Variants in PFKFB4 observed in about 807,000 individuals in gnomAD.
The protein encoded by PFKFB4 is 6-phosphofructo-2-kinase/fructose-2,6-biphosphatase 4.
A neutral mutation model predicts 62.8 loss-of-function variants in PFKFB4; 42 were observed. The observed-to-expected ratio is 0.67, with a 90% CI of 0.52 to 0.86. PFKFB4 has a LOEUF of 0.86. PFKFB4 is among the 40% of genes least tolerant of loss of function. The pLI, the probability that PFKFB4 is intolerant of heterozygous loss-of-function variation, is 0.00. For missense variants in PFKFB4, 475 were observed against 627.2 expected, an observed-to-expected ratio of 0.76 and a Z score of 2.59; for synonymous variants, 204 against 240.7, an observed-to-expected ratio of 0.85 and a Z score of 1.41.
At chr3:48,524,509 C>A (rs898731027) in intron 10 of PFKFB4, among the ~76,000 whole-genome samples, 2 of 152,228 alleles carry the variant, frequency 1.3e-5, no homozygotes, top group Non-Finnish European at 2.9e-5. Context: ...CCTGGTAGTT[C>A]TGAGAAAATC....
chr3:48,539,023 T>A lies in PFKFB4; in HGVS notation c.510+231A>T, dbSNP rs964966927. ...ACCCTTCCACCCCTGCTGAAGGTGC[T>A]CTCCTAGTGTCCAGGTGGTTACGAG... On this transcript the variant is annotated intron_variant, in intron 6 of 13. Coordinates refer to ENST00000232375, the MANE Select transcript of PFKFB4 (RefSeq NM_004567.4). Among the ~76,000 whole-genome samples, 57 of 152,022 alleles carry A rather than the reference T, an allele frequency of 3.7e-4. 1 individual carries two copies. The highest frequency in any genetic ancestry group is 4.4e-5 in the Non-Finnish European group (3 of 68,008).
At chr3:48,560,210 C>T (rs1351878254), upstream of PFKFB4, among the ~76,000 whole-genome samples, 2 of 152,230 alleles carry the variant, frequency 1.3e-5, no homozygotes, top group Non-Finnish European at 2.9e-5. Context: ...CGCACACACA[C>T]TCACAAGTCC....
chr3:48,530,269 A>G (rs1274097045), intron 9 of PFKFB4, among the ~76,000 whole-genome samples: 1 of 152,106 alleles, frequency 6.6e-6, no homozygotes, highest in Non-Finnish European at 1.5e-5. Flanking sequence ...TAAATAAATA[A>G]ATAAAAATAA....
intron 3 of PFKFB4, among the ~76,000 whole-genome samples, chr3:48,546,018 C>CGTGT (rs145258700): frequency 6.6e-6 from 1 of 150,590 alleles, no homozygotes. Context: ...TGTGTGTGTG[C>CGTGT]GTGTGTGTGT....
rs766264488 is a variant in PFKFB4 at position 48,556,749 on chromosome 3, T to C, written c.29A>G (p.Asn10Ser). 6.2e-7 allele frequency: 1 copy of C among 1,603,372 alleles called. No homozygotes were observed. Among genetic ancestry groups the C allele is most frequent in the Non-Finnish European group, 8.5e-7 (1 of 1,175,350 alleles). The stretch of plus-strand genomic sequence containing the variant: ...TGGCATCCAGATCTTCTTCAGGGGG[T>C]TCTGTGTCAATTCCCGTGGGGACGC... MASPRELTQ[N>S]PLKKIWMPYS... The change falls in exon 1 of 14, where the codon AAC becomes AGC. Residue 10 changes from asparagine (N) to serine (S), a missense_variant. By Grantham distance (46) the Asn-to-Ser change is conservative. Coordinates refer to ENST00000232375, the MANE Select transcript of PFKFB4 (RefSeq NM_004567.4). The surrounding 1 kb of genome is among the most constrained non-coding windows in gnomAD (Gnocchi z 5.7).
chr3:48,528,909 A>C (rs992467296), intron 9 of PFKFB4, among the ~76,000 whole-genome samples: 1 of 152,234 alleles, frequency 6.6e-6, no homozygotes, highest in Non-Finnish European at 1.5e-5. Context: ...GGAAATGGGA[A>C]GTGACTGTTG....
intron 10 of PFKFB4, among the ~76,000 whole-genome samples, chr3:48,525,233 C>T (rs532567991): frequency 2.6e-5 from 4 of 152,266 alleles, no homozygotes; most frequent in East Asian, 1.9e-4. Flanking sequence ...AGCCTAACTC[C>T]GCAGATCCCC....
intron 3 of PFKFB4, 134 bp downstream of exon 3, chr3:48,549,730 G>A (rs1046413958): frequency 1.5e-6 from 1 of 676,020 alleles, no homozygotes; most frequent in East Asian, 2.6e-5. Context: ...CAAGGCCAGG[G>A]CTCAGGAGTA....
intron 9 of PFKFB4, among the ~76,000 whole-genome samples, chr3:48,527,516 A>G (rs1372240219): frequency 6.6e-6 from 1 of 151,998 alleles, no homozygotes; most frequent in Non-Finnish European, 1.5e-5. Context: ...AAAATGTGGA[A>G]GTGGTTATGA....
chr3:48,540,886 T>C (rs920546797), intron 4 of PFKFB4, among the ~76,000 whole-genome samples: 2 of 150,802 alleles, frequency 1.3e-5, no homozygotes, highest in Non-Finnish European at 3.0e-5. Flanking sequence ...GCGATTCTCC[T>C]GCCTCAGCCT....
upstream of PFKFB4, chr3:48,561,102 G>C (rs540466258): frequency 3.9e-6 from 5 of 1,282,980 alleles, no homozygotes; most frequent in Non-Finnish European, 5.1e-6. This position sits in a 1 kb window ranked among gnomAD's most constrained non-coding sequence, Gnocchi z 5.2. Context: ...GCCTCCTAAC[G>C]AGCCTCTGTC....
chr3:48,545,758 T>C (rs1211393048), intron 3 of PFKFB4, among the ~76,000 whole-genome samples: 3 of 152,186 alleles, frequency 2.0e-5, no homozygotes, highest in East Asian at 3.8e-4. Context: ...TGAGCTACTA[T>C]GTCCAGCCCT....
chr3:48,530,705 G>A (rs13069677), intron 9 of PFKFB4, among the ~76,000 whole-genome samples: 2 of 151,030 alleles, frequency 1.3e-5, no homozygotes, highest in Non-Finnish European at 2.9e-5. Flanking sequence ...GTTTTGTTTT[G>A]TTTTCTTTTC....
intron 3 of PFKFB4, among the ~76,000 whole-genome samples, chr3:48,547,213 C>T (rs2042991935): frequency 6.6e-6 from 1 of 152,110 alleles, no homozygotes; most frequent in Non-Finnish European, 1.5e-5. Flanking sequence ...TTACGTGTGG[C>T]TTAAGTGAGC....
chr3:48,542,454 G>A (rs190203598), intron 4 of PFKFB4, among the ~76,000 whole-genome samples: 66 of 152,244 alleles, frequency 4.3e-4, no homozygotes, highest in Non-Finnish European at 7.6e-4. Context: ...AATGGGAGTA[G>A]GGATGGAGTG....
chr3:48,535,441 T>A, intron 9 of PFKFB4, 71 bp downstream of exon 9: 7 of 1,348,152 alleles, frequency 5.2e-6, no homozygotes, highest in Non-Finnish European at 7.4e-6. Flanking sequence ...CAATGGTCAC[T>A]GTTGTTACAA....
At chr3:48,553,240 G>A (rs879771866) in intron 1 of PFKFB4, among the ~76,000 whole-genome samples, 3 of 152,210 alleles carry the variant, frequency 2.0e-5, no homozygotes, top group Admixed American at 6.5e-5. Flanking sequence ...TTGGGAGGCC[G>A]AGGCAGGCAG....
intron 1 of PFKFB4, among the ~76,000 whole-genome samples, chr3:48,552,486 GA>G: frequency 6.6e-6 from 1 of 152,364 alleles, no homozygotes; most frequent in African/African-American, 2.4e-5. Flanking sequence ...TGAGAGTGGA[GA>G]AACTTGCAGA....
chr3:48,559,885 C>T, upstream of PFKFB4: 1 of 311,016 alleles, frequency 3.2e-6, no homozygotes, highest in Non-Finnish European at 6.3e-6. Context: ...GACAGAACTG[C>T]CAAACCATCC....
Sources: gnomAD v4.1 joint callset for allele counts (sites outside exome capture counted in the v4.1 genomes callset) on GRCh38, gnomAD v4.1.1 for gene constraint, Gnocchi (gnomAD v3.1) non-coding constraint, MANE v1.5 for transcripts, NCBI Gene and HGNC (gene_info 2026-07-23, HGNC 2026-07-21) for gene names.